The following ABCA13 variants were observed in gnomAD, a reference collection of about 807,000 sequenced individuals.
The protein encoded by ABCA13 is ATP binding cassette subfamily A member 13.
In ABCA13, 476 loss-of-function variants were observed where a neutral mutation model predicts 478.7. The ratio of observed to expected loss-of-function variants is 0.99; its 90% CI spans 0.92 to 1.07. The LOEUF is 1.07. Among genes scored for constraint, ABCA13 ranks in the 50% least tolerant of loss-of-function variants. The pLI is 0.00. For missense variants in ABCA13, 6,060 were observed against 5,910.6 expected (o/e 1.03, Z -0.83); for synonymous variants, 2,252 against 2,158.9 (o/e 1.04, Z -1.20).
intron 38 of ABCA13, among the ~76,000 whole-genome samples, chr7:48,394,006 A>G (rs1213634055): frequency 6.6e-6 from 1 of 151,318 alleles, no homozygotes; most frequent in Non-Finnish European, 1.5e-5. Flanking sequence ...CCCAAACCCA[A>G]CCCCCAGCTG....
At chr7:48,587,370 G>C in intron 57 of ABCA13, 82 bp downstream of exon 57, 1 of 1,424,288 alleles carries the variant, frequency 7.0e-7, no homozygotes, top group East Asian at 2.6e-5. Flanking sequence ...GTTTTTCTGG[G>C]AAGTAACTTC....
chr7:48,361,991 T>G (rs1387552722), intron 31 of ABCA13, among the ~76,000 whole-genome samples: 2 of 152,054 alleles, frequency 1.3e-5, no homozygotes, highest in Non-Finnish European at 2.9e-5. Flanking sequence ...TGTTGCTAAA[T>G]CTTAATTTCT....
At chr7:48,576,261 A>G (rs1246216825) in intron 55 of ABCA13, among the ~76,000 whole-genome samples, 1 of 152,146 alleles carries the variant, frequency 6.6e-6, no homozygotes, top group Non-Finnish European at 1.5e-5. Flanking sequence ...CAGGAGACCC[A>G]GAAGCAGAAG....
intron 55 of ABCA13, among the ~76,000 whole-genome samples, chr7:48,562,972 ATGTC>A (rs980498489): frequency 2.1e-5 from 3 of 145,858 alleles, no homozygotes; most frequent in Non-Finnish European, 4.5e-5. Flanking sequence ...ATATATATAT[ATGTC>A]TGTGTATCTA....
At chr7:48,549,733 C>T (rs1785139250) in intron 55 of ABCA13, among the ~76,000 whole-genome samples, 1 of 151,876 alleles carries the variant, frequency 6.6e-6, no homozygotes, top group Admixed American at 6.6e-5. Flanking sequence ...TGTATTGTTT[C>T]CTGACATTTT....
In ABCA13 at chr7:48,272,994, G is replaced by A. The variant is rs201667847; in HGVS notation, c.3328G>A (p.Val1110Ile). 350 of 1,613,498 alleles carry A rather than the reference G, an allele frequency of 2.2e-4. 2 individuals are homozygous for A. Among genetic ancestry groups the A allele is most frequent in the African/African-American group, 1.4e-3 (102 of 74,996 alleles). The change falls in exon 17 of 62, where the codon GTA (valine) becomes ATA (isoleucine). Residue 1110 changes from valine (V) to isoleucine (I), a missense_variant. By Grantham distance (29) the Val-to-Ile change is conservative. This residue lies in a region of ABCA13 where 4,423 missense variants were observed against 4,309.1 expected (regional missense o/e 1.03). Transcript: ENST00000435803. ...LISDNKHISS[V>I]NYSTSEESSF... ...TTCGGACAATAAACACATTTCTTCC[G>A]TAAATTATTCAACAAGTGAGGAGTC...
At chr7:48,399,719 G>T (rs893139733) in intron 38 of ABCA13, among the ~76,000 whole-genome samples, 9 of 152,100 alleles carry the variant, frequency 5.9e-5, no homozygotes, top group Admixed American at 5.2e-4. Flanking sequence ...TTCAGGGATG[G>T]GTAGATGACA....
chr7:48,413,528 C>T lies in ABCA13; in HGVS notation c.12459+945C>T, dbSNP rs563867080. ...GCTCTCTGTGTGGGCAGTATTTGAG[C>T]CCTAATTTTACATTGCTATTATTTA... is the stretch of plus-strand genomic sequence containing the variant. On this transcript the variant is annotated intron_variant, in intron 41 of 61. Coordinates refer to ENST00000435803, the MANE Select transcript of ABCA13 (RefSeq NM_152701.5). Among the ~76,000 whole-genome samples, 4 of 152,258 alleles carry T rather than the reference C, an allele frequency of 2.6e-5. No individual in the cohort carries two copies. In the East Asian group the frequency reaches 7.7e-4, roughly 29 times the overall value.
At position 48,189,175 on chromosome 7, in the gene ABCA13, A is replaced by G. The variant is rs535566475; in HGVS notation, c.70-3784A>G. ...AGAAGTCAGCAATGGAAGGTCTGAG[A>G]TGTGCGAGATACGGTGAAGCCCTAG... On this transcript the variant is annotated intron_variant, in intron 1 of 61. Transcript: ENST00000435803. Among the ~76,000 whole-genome samples, 5 of 152,300 alleles carry G rather than the reference A, an allele frequency of 3.3e-5. No homozygotes were observed. The South Asian group carries it at 1.0e-3, about 32-fold the overall frequency.
At chr7:48,545,895 G>C (rs1244320658) in intron 55 of ABCA13, among the ~76,000 whole-genome samples, 1 of 151,778 alleles carries the variant, frequency 6.6e-6, no homozygotes, top group Non-Finnish European at 1.5e-5. Context: ...TCTAACATAA[G>C]TCTAATTAGA....
In ABCA13 at chr7:48,487,804, G is replaced by A. The variant is rs112085524; in HGVS notation, c.13183-1432G>A. Among the ~76,000 whole-genome samples the A allele has an allele frequency of 6.6e-5, 10 of 152,194 alleles. 1 individual carries two copies. Among genetic ancestry groups the A allele is most frequent in the African/African-American group, 2.4e-4 (10 of 41,536 alleles). ...TAGGTGTCTGTGTGTGAGGGGGCAGGGTGGCATGGGGGAGACCCCAAAGGG... is the reference window on the plus strand; with the variant it reads ...TAGGTGTCTGTGTGTGAGGGGGCAGAGTGGCATGGGGGAGACCCCAAAGGG... On this transcript the variant is annotated intron_variant, in intron 47 of 61. Transcript: ENST00000435803.
chr7:48,486,191 A>C (rs934721087), intron 47 of ABCA13, among the ~76,000 whole-genome samples: 1 of 152,170 alleles, frequency 6.6e-6, no homozygotes, highest in African/African-American at 2.4e-5. Flanking sequence ...ACTAGAGGAC[A>C]ACACCCTTTA....
chr7:48,421,916 T>C (rs4579477), intron 41 of ABCA13, among the ~76,000 whole-genome samples: 58,005 of 151,680 alleles, frequency 0.38, 11,734 homozygotes, highest in African/African-American at 0.51. Flanking sequence ...CCTTTTCCCT[T>C]AGTCCTCCTG....
intron 48 of ABCA13, among the ~76,000 whole-genome samples, chr7:48,494,109 C>A (rs1008298592): frequency 2.0e-5 from 3 of 152,130 alleles, no homozygotes; most frequent in Admixed American, 6.5e-5. Flanking sequence ...CTTTTGGAAT[C>A]CCCTGGAGGG....
At chr7:48,221,368 C>T (rs1584272293) in intron 5 of ABCA13, 59 bp downstream of exon 5, 6 of 811,708 alleles carry the variant, frequency 7.4e-6, no homozygotes, top group Non-Finnish European at 1.1e-5. Flanking sequence ...GTTAAGTTTA[C>T]AACACTGTTT....
chr7:48,483,421 A>G (rs985229421), intron 47 of ABCA13, among the ~76,000 whole-genome samples: 3 of 152,206 alleles, frequency 2.0e-5, no homozygotes, highest in Non-Finnish European at 4.4e-5. Context: ...GAAAAAATCT[A>G]TTTTCAAAGA....
chr7:48,370,271 A>G lies in ABCA13; in HGVS notation c.10804-1897A>G, dbSNP rs192842898. 1.0e-3 allele frequency among the ~76,000 whole-genome samples: 156 copies of G among 152,260 alleles called. 1 individual carries two copies. Among genetic ancestry groups the G allele is most frequent in the African/African-American group, 3.6e-3 (148 of 41,558 alleles). On this transcript the variant is annotated intron_variant, in intron 32 of 61. Transcript: ENST00000435803. ...TCCTGAAACTTTGCTGAATTTATTT[A>G]TCAGTTCTAGGAGCTTTTTGGATGA... is the stretch of plus-strand genomic sequence containing the variant.
chr7:48,619,507 C>T (rs192795520), intron 59 of ABCA13, among the ~76,000 whole-genome samples: 112 of 152,246 alleles, frequency 7.4e-4, no homozygotes, highest in African/African-American at 2.7e-3. Flanking sequence ...ATTTCTTTAA[C>T]AAATGTTTAT....
intron 20 of ABCA13, among the ~76,000 whole-genome samples, chr7:48,289,861 G>A (rs1798265984): frequency 1.3e-5 from 2 of 152,130 alleles, no homozygotes; most frequent in Non-Finnish European, 2.9e-5. Context: ...ATAGTATGTT[G>A]CTTATCTCAG....
Sources: gnomAD v4.1 joint callset for allele counts (sites outside exome capture counted in the v4.1 genomes callset) on GRCh38, gnomAD v4.1.1 for gene constraint, gnomAD v4.1.1 regional missense constraint, MANE v1.5 for transcripts, NCBI Gene and HGNC (gene_info 2026-07-23, HGNC 2026-07-21) for gene names.